PDE3A: variants seen among roughly 807,000 people sequenced by gnomAD.
PDE3A encodes phosphodiesterase 3A, also known as cGMP-inhibited 3',5'-cyclic phosphodiesterase 3A.
In PDE3A, 43 loss-of-function variants were observed where a neutral mutation model predicts 98.3. That is an observed-to-expected ratio of 0.44 (90% CI 0.34 to 0.56). The LOEUF is 0.56. Ranked by LOEUF, PDE3A falls within the 20% of genes least tolerant of loss-of-function variation. The pLI, the probability that PDE3A is intolerant of heterozygous loss-of-function variation, is 0.01. For synonymous variants in PDE3A, 663 were observed against 567.9 expected (o/e 1.17, Z -2.38); for missense variants, 1,427 against 1,440.7 (o/e 0.99, Z 0.15).
chr12:20,389,123 C>T (rs74649898), intron 1 of PDE3A, among the ~76,000 whole-genome samples: 3,413 of 151,986 alleles, frequency 0.022, 115 homozygotes, highest in African/African-American at 0.076. Context: ...CCAGTTTTTA[C>T]GGTTCTGTCG....
At position 20,612,127 on chromosome 12, in the gene PDE3A, G is replaced by A. The variant is rs181003122; in HGVS notation, c.1012-1316G>A. Among the ~76,000 whole-genome samples the A allele has an allele frequency of 1.2e-4, 18 of 151,662 alleles. No individual in the cohort carries two copies. In the South Asian group the frequency reaches 1.9e-3, roughly 16 times the overall value. On this transcript the variant is annotated intron_variant, in intron 2 of 15. Transcript: ENST00000359062. Reference sequence around the variant, plus strand: ...TTTGGATTGTTTTTCCTCACTACTCGTTTACCCAAACCATTACTAATGCTT... The same window carrying A: ...TTTGGATTGTTTTTCCTCACTACTCATTTACCCAAACCATTACTAATGCTT...
chr12:20,610,939 G>T (rs1289343971), intron 2 of PDE3A, among the ~76,000 whole-genome samples: 1 of 151,942 alleles, frequency 6.6e-6, no homozygotes, highest in African/African-American at 2.4e-5. Context: ...ATACAAAGTA[G>T]CAGATATATA....
intron 2 of PDE3A, among the ~76,000 whole-genome samples, chr12:20,579,870 T>C (rs1943024324): frequency 6.6e-6 from 1 of 152,106 alleles, no homozygotes; most frequent in Non-Finnish European, 1.5e-5. Context: ...AGAAAACAAT[T>C]GAAGAGCCAT....
intron 1 of PDE3A, among the ~76,000 whole-genome samples, chr12:20,456,645 G>T (rs1396529009): frequency 2.0e-5 from 3 of 152,130 alleles, no homozygotes; most frequent in South Asian, 2.1e-4. Flanking sequence ...CCAAAAATTC[G>T]CTGGAAATGC....
At chr12:20,405,145 AC>A (rs1299646574) in intron 1 of PDE3A, among the ~76,000 whole-genome samples, 1 of 152,016 alleles carries the variant, frequency 6.6e-6, no homozygotes, top group East Asian at 1.9e-4. Context: ...TGCTGCCCAA[AC>A]CGCTGCTTCT....
At chr12:20,418,596 A>T (rs1944461546) in intron 1 of PDE3A, among the ~76,000 whole-genome samples, 1 of 152,174 alleles carries the variant, frequency 6.6e-6, no homozygotes, top group Non-Finnish European at 1.5e-5. Flanking sequence ...ATGTCAAGAT[A>T]GTTATGTTCT....
chr12:20,453,070 T>C (rs996666130), intron 1 of PDE3A, among the ~76,000 whole-genome samples: 6 of 152,206 alleles, frequency 3.9e-5, no homozygotes, highest in Admixed American at 2.0e-4. Context: ...ACCACTGTTT[T>C]GAATCTGTAG....
At chr12:20,467,891 G>C (rs1288382456) in intron 1 of PDE3A, among the ~76,000 whole-genome samples, 6 of 126,548 alleles carry the variant, frequency 4.7e-5, no homozygotes, top group African/African-American at 1.5e-4. Context: ...GCTGAGATTG[G>C]GCCACTGCAC....
intron 1 of PDE3A, among the ~76,000 whole-genome samples, chr12:20,384,307 G>A (rs1351514817): frequency 6.6e-6 from 1 of 151,166 alleles, no homozygotes; most frequent in Admixed American, 6.6e-5. Context: ...TTCTAATCAA[G>A]CATCTCAAAC....
At chr12:20,527,427 T>C (rs973406471) in intron 1 of PDE3A, among the ~76,000 whole-genome samples, 2 of 152,106 alleles carry the variant, frequency 1.3e-5, no homozygotes, top group Non-Finnish European at 2.9e-5. Context: ...CTAATAATAA[T>C]AGCAAAAACA....
chr12:20,587,321 A>G (rs1943221264), intron 2 of PDE3A, among the ~76,000 whole-genome samples: 1 of 152,226 alleles, frequency 6.6e-6, no homozygotes, highest in Admixed American at 6.5e-5. Flanking sequence ...GTGAGCTGAC[A>G]TCACACCACT....
At chr12:20,473,322 C>T (rs866481917) in intron 1 of PDE3A, among the ~76,000 whole-genome samples, 3 of 152,104 alleles carry the variant, frequency 2.0e-5, no homozygotes, top group African/African-American at 7.2e-5. Flanking sequence ...ACAAGACCTA[C>T]GTCATTCTTG....
At chr12:20,375,446 A>G (rs1463075273) in intron 1 of PDE3A, among the ~76,000 whole-genome samples, 1 of 151,968 alleles carries the variant, frequency 6.6e-6, no homozygotes, top group Non-Finnish European at 1.5e-5. Context: ...TACAGATTTG[A>G]TCACTGAGAA....
intron 6 of PDE3A, among the ~76,000 whole-genome samples, chr12:20,631,362 C>T (rs927045203): frequency 2.0e-5 from 3 of 152,168 alleles, no homozygotes; most frequent in Non-Finnish European, 4.4e-5. Flanking sequence ...CTGAGAAGCT[C>T]TGTTAAAAGA....
intron 10 of PDE3A, among the ~76,000 whole-genome samples, chr12:20,645,014 G>A (rs1180463694): frequency 2.0e-5 from 3 of 151,020 alleles, no homozygotes; most frequent in African/African-American, 2.4e-5. Flanking sequence ...TCAGCCTCCC[G>A]AGTAGCTGGG....
At chr12:20,409,523 A>G (rs941954260) in intron 1 of PDE3A, among the ~76,000 whole-genome samples, 89 of 152,348 alleles carry the variant, frequency 5.8e-4, no homozygotes, top group Non-Finnish European at 1.1e-3. Flanking sequence ...AATCTTTGAT[A>G]GATGGAAGAA....
intron 1 of PDE3A, among the ~76,000 whole-genome samples, chr12:20,418,639 T>A (rs767837310): frequency 6.6e-6 from 1 of 152,200 alleles, no homozygotes; most frequent in Non-Finnish European, 1.5e-5. Flanking sequence ...TCTGTTTTTT[T>A]CCTTTCTTTT....
intron 1 of PDE3A, among the ~76,000 whole-genome samples, chr12:20,496,918 T>C (rs1945930486): frequency 6.6e-6 from 1 of 152,298 alleles, no homozygotes; most frequent in African/African-American, 2.4e-5. Context: ...CTAATGATGC[T>C]CTTAGCAGGG....
At chr12:20,498,023 A>G (rs548500493) in intron 1 of PDE3A, among the ~76,000 whole-genome samples, 1 of 152,180 alleles carries the variant, frequency 6.6e-6, no homozygotes. Context: ...GAAACGTGTT[A>G]TAGCAGAAAA....
Sources: allele counts gnomAD v4.1 joint callset (sites outside exome capture counted in the v4.1 genomes callset), GRCh38; gene constraint gnomAD v4.1.1; transcripts MANE v1.5; gene names NCBI Gene and HGNC (gene_info 2026-07-23, HGNC 2026-07-21).